ALKBH5: variants seen among roughly 807,000 people sequenced by gnomAD.
The protein encoded by ALKBH5 is RNA demethylase ALKBH5.
In ALKBH5, 2 loss-of-function variants were observed where a neutral mutation model predicts 32.1. The ratio of observed to expected loss-of-function variants is 0.06; its 90% confidence interval spans 0.03 to 0.20. The LOEUF is 0.20. Ranked by LOEUF, ALKBH5 falls within the 10% of genes least tolerant of loss-of-function variation. The probability of loss-of-function intolerance (pLI) is 1.00; values close to 1 mark genes in which losing one functional copy is unlikely to be tolerated. For synonymous variants in ALKBH5, 300 were observed against 231.7 expected (o/e 1.29, Z -2.68); for missense variants, 352 against 559.5 (o/e 0.63, Z 3.74).
rs2047116434 is a variant in ALKBH5, at chr17:18,183,928, T to G, written c.-316T>G. Reference sequence around the variant, plus strand: ...GCGGGCCGGGCCGGGCGTCCGAGGGTCTGGTCGGGAGTCGGGCCGCGTCTC... The same window carrying G: ...GCGGGCCGGGCCGGGCGTCCGAGGGGCTGGTCGGGAGTCGGGCCGCGTCTC... On this transcript the variant is annotated 5_prime_UTR_variant, in exon 1 of 4. Coordinates refer to ENST00000399138, the MANE Select transcript of ALKBH5 (RefSeq NM_017758.4). The G allele has an allele frequency of 9.2e-6, 5 of 546,002 alleles. No homozygotes were observed. Among genetic ancestry groups the G allele is most frequent in the East Asian group, 4.7e-5 (1 of 21,418 alleles). The allele number at this position is 546,002 out of a possible 1,614,324, so 33.8% of individuals were successfully genotyped here.
At chr17:18,193,483 G>T (rs1041772773) in intron 1 of ALKBH5, among the ~76,000 whole-genome samples, 2 of 151,726 alleles carry the variant, frequency 1.3e-5, no homozygotes, top group East Asian at 3.9e-4. Flanking sequence ...GTAGGCAGAG[G>T]TTGCAGTGAG....
chr17:18,184,531 C>T lies in ALKBH5; in HGVS notation c.288C>T (p.Ser96=), dbSNP rs775123940. ...GCATCCGCCAGATGCGCCTCTTCAG[C>T]CAGGACGAGTGCGCCAAGATCGAGG... ...KSGIRQMRLF[S]QDECAKIEAR... Residue 96 remains serine (S), a synonymous_variant, in exon 1 of 4, where the codon AGC becomes AGT. Coordinates refer to ENST00000399138, the MANE Select transcript of ALKBH5 (RefSeq NM_017758.4). 1.1e-5 allele frequency: 18 copies of T among 1,613,128 alleles called. No homozygotes were observed. The highest frequency in any genetic ancestry group is 5.5e-5 in the South Asian group (5 of 91,088).
intron 3 of ALKBH5, 100 bp from the exon 4 acceptor site, chr17:18,208,119 G>C (rs903340590): frequency 1.5e-6 from 2 of 1,314,822 alleles, no homozygotes; most frequent in Admixed American, 2.3e-5. Flanking sequence ...GGACCACTGA[G>C]CTGAAGTGAC....
At chr17:18,203,830 G>A (rs1193093894) in intron 2 of ALKBH5, among the ~76,000 whole-genome samples, 1 of 152,204 alleles carries the variant, frequency 6.6e-6, no homozygotes, top group Non-Finnish European at 1.5e-5. Flanking sequence ...GTTATGAGAT[G>A]TACTTATAAC....
At chr17:18,194,525 G>A (rs765042933) in intron 1 of ALKBH5, among the ~76,000 whole-genome samples, 3 of 152,160 alleles carry the variant, frequency 2.0e-5, no homozygotes, top group Non-Finnish European at 4.4e-5. Flanking sequence ...ACTTCATGTA[G>A]ATATTCTATT....
chr17:18,201,358 A>C (rs140783292), intron 2 of ALKBH5, among the ~76,000 whole-genome samples: 2 of 152,196 alleles, frequency 1.3e-5, no homozygotes, highest in African/African-American at 4.8e-5. Flanking sequence ...GAAGGTGACA[A>C]ACTTGGGCTT....
At position 18,183,953 on chromosome 17, in the gene ALKBH5, C is replaced by G. The variant is rs779675492; in HGVS notation, c.-291C>G. 332 of 607,252 alleles carry G rather than the reference C, an allele frequency of 5.5e-4. 3 individuals carry two copies. Among genetic ancestry groups the G allele is most frequent in the Non-Finnish European group, 8.5e-5 (28 of 328,328 alleles). The allele number at this position is 607,252 out of a possible 1,614,324, so 37.6% of individuals were successfully genotyped here. ...TCTGGTCGGGAGTCGGGCCGCGTCT[C>G]CGCAGCAGCCCTCCGCGGCATGAGG... On this transcript the variant is annotated 5_prime_UTR_variant, in exon 1 of 4. Transcript: ENST00000399138.
intron 2 of ALKBH5, among the ~76,000 whole-genome samples, chr17:18,203,164 T>C (rs2047251628): frequency 6.6e-6 from 1 of 152,036 alleles, no homozygotes. Context: ...AAGTAATCCT[T>C]CTACCTTGGC....
In ALKBH5 at chr17:18,194,953, A is replaced by G. The variant is rs751477501; in HGVS notation, c.771-2A>G. ...GGTCACATGTTCTGTGTTTCTTTTC[A>G]GTGGATATGCTGCTGATGAAATCAC... On this transcript the variant is annotated splice_acceptor_variant, in intron 1 of 3. Coordinates refer to ENST00000399138, the MANE Select transcript of ALKBH5 (RefSeq NM_017758.4). LOFTEE classifies it high-confidence loss of function. 1 of 1,613,656 alleles carries G rather than the reference A, an allele frequency of 6.2e-7. No individual in the cohort carries two copies. Among genetic ancestry groups the G allele is most frequent in the Admixed American group, 1.7e-5 (1 of 59,980 alleles).
At chr17:18,193,802 TCAG>T (rs1222747673) in intron 1 of ALKBH5, among the ~76,000 whole-genome samples, 2 of 152,174 alleles carry the variant, frequency 1.3e-5, no homozygotes, top group African/African-American at 2.4e-5. Context: ...AGGGAGCTGA[TCAG>T]CAGCCATGAG....
At chr17:18,185,045 C>T (rs1597835055) in intron 1 of ALKBH5, 32 bp downstream of exon 1, 10 of 1,585,416 alleles carry the variant, frequency 6.3e-6, no homozygotes, top group Non-Finnish European at 8.6e-6. Flanking sequence ...GGCGGCCCTG[C>T]GCCTGCTGCC....
intron 2 of ALKBH5, among the ~76,000 whole-genome samples, chr17:18,196,974 T>C (rs919405320): frequency 6.6e-6 from 1 of 152,236 alleles, no homozygotes. Flanking sequence ...CATTGGGAAT[T>C]TTTTCTGGTG....
intron 1 of ALKBH5, 90 bp downstream of exon 1, chr17:18,185,103 G>T: frequency 6.6e-7 from 1 of 1,521,838 alleles, no homozygotes; most frequent in Non-Finnish European, 8.8e-7. Context: ...AGGAGTCTGC[G>T]TTTTTTACAG....
intron 1 of ALKBH5, among the ~76,000 whole-genome samples, chr17:18,190,325 G>C (rs1485010479): frequency 6.6e-6 from 1 of 152,150 alleles, no homozygotes; most frequent in African/African-American, 2.4e-5. Context: ...CAGGGCGGGT[G>C]GATCACCTGA....
At chr17:18,194,925 CA>C in intron 1 of ALKBH5, 29 bp from the exon 2 acceptor site, 1 of 1,609,838 alleles carries the variant, frequency 6.2e-7, no homozygotes, top group Non-Finnish European at 8.5e-7. Context: ...GTCTACTCTT[CA>C]TGGTCACATG....
intron 2 of ALKBH5, among the ~76,000 whole-genome samples, chr17:18,198,263 T>C (rs1368959626): frequency 1.3e-5 from 2 of 152,142 alleles, no homozygotes; most frequent in Non-Finnish European, 2.9e-5. Context: ...CGCTTGCCAT[T>C]GTGAATTTTC....
At chr17:18,185,051 C>G in intron 1 of ALKBH5, 38 bp downstream of exon 1, 3 of 1,579,830 alleles carry the variant, frequency 1.9e-6, no homozygotes, top group Non-Finnish European at 2.6e-6. Context: ...CCTGCGCCTG[C>G]TGCCTTAGCT....
At chr17:18,202,473 C>G (rs779797482) in intron 2 of ALKBH5, among the ~76,000 whole-genome samples, 12 of 152,086 alleles carry the variant, frequency 7.9e-5, no homozygotes, top group Non-Finnish European at 1.6e-4. Flanking sequence ...GGTGCTGGAG[C>G]TTAGACCTTA....
At chr17:18,206,776 G>C in intron 2 of ALKBH5, 39 bp from the exon 3 acceptor site, 3 of 1,604,264 alleles carry the variant, frequency 1.9e-6, no homozygotes, top group Non-Finnish European at 2.6e-6. Context: ...CACCTTCACC[G>C]GAGGCCCTTT....
Sources: allele counts gnomAD v4.1 joint callset (sites outside exome capture counted in the v4.1 genomes callset), GRCh38; gene constraint gnomAD v4.1.1; transcripts MANE v1.5; gene names NCBI Gene and HGNC (gene_info 2026-07-23, HGNC 2026-07-21).